CSMD1: variants seen among roughly 807,000 people sequenced by gnomAD.
CSMD1 encodes the protein CUB and Sushi multiple domains 1, also known as CUB and sushi domain-containing protein 1.
A neutral mutation model predicts 417.5 loss-of-function variants in CSMD1; 213 were observed. The ratio of observed to expected loss-of-function variants is 0.51; its 90% CI spans 0.46 to 0.57. The LOEUF (loss-of-function observed/expected upper bound fraction) is 0.57, where lower values mean the gene tolerates loss of function less well. CSMD1 is among the 20% of genes least tolerant of loss of function. The probability of loss-of-function intolerance (pLI) is 0.00; values close to 1 mark genes in which losing one functional copy is unlikely to be tolerated. For synonymous variants in CSMD1, 2,862 were observed against 1,736.8 expected (o/e 1.65, Z -16.11); for missense variants, 6,923 against 4,529.7 (o/e 1.53, Z -15.17).
At chr8:2,948,794 C>T (rs957654630) in intron 68 of CSMD1, among the ~76,000 whole-genome samples, 5 of 152,098 alleles carry the variant, frequency 3.3e-5, no homozygotes, top group African/African-American at 1.2e-4. Flanking sequence ...TCTACCCATA[C>T]ATCCATCAAA....
At chr8:3,710,934 G>C (rs1801473274) in intron 6 of CSMD1, among the ~76,000 whole-genome samples, 4 of 152,144 alleles carry the variant, frequency 2.6e-5, no homozygotes, top group Non-Finnish European at 5.9e-5. Context: ...GGTCCACCTG[G>C]AAGGAGGAGG....
chr8:4,048,469 T>C (rs930477717), intron 3 of CSMD1, among the ~76,000 whole-genome samples: 4 of 152,214 alleles, frequency 2.6e-5, no homozygotes, highest in African/African-American at 9.6e-5. Context: ...CAGTAGCTAC[T>C]ATTATCCCCA....
At chr8:4,480,214 A>G (rs1801022420) in intron 2 of CSMD1, among the ~76,000 whole-genome samples, 1 of 150,258 alleles carries the variant, frequency 6.7e-6, no homozygotes, top group Non-Finnish European at 1.5e-5. Context: ...AAAAAAACCG[A>G]GAAGGAAATT....
At chr8:4,296,504 G>A (rs1474674347) in intron 3 of CSMD1, among the ~76,000 whole-genome samples, 1 of 151,996 alleles carries the variant, frequency 6.6e-6, no homozygotes, top group Non-Finnish European at 1.5e-5. Flanking sequence ...TTTTCCCAAA[G>A]AGAGGGTTTA....
At chr8:4,699,446 G>A (rs1393327150) in intron 1 of CSMD1, among the ~76,000 whole-genome samples, 2 of 152,116 alleles carry the variant, frequency 1.3e-5, no homozygotes, top group Admixed American at 6.5e-5. Context: ...CAGGTTCAAT[G>A]TCATATTCTA....
intron 3 of CSMD1, among the ~76,000 whole-genome samples, chr8:4,044,845 C>T (rs1422073633): frequency 6.6e-6 from 1 of 152,222 alleles, no homozygotes; most frequent in South Asian, 2.1e-4. Flanking sequence ...CAGGCTTGTA[C>T]CATGCTGGGG....
At chr8:3,509,950 G>A (rs1004463036) in intron 10 of CSMD1, among the ~76,000 whole-genome samples, 2 of 152,150 alleles carry the variant, frequency 1.3e-5, no homozygotes, top group African/African-American at 2.4e-5. Context: ...CCTCTCCCAT[G>A]TGCAGTTTCT....
chr8:4,095,491 C>T lies in CSMD1; in HGVS notation c.416-63392G>A, dbSNP rs143048621. Among the ~76,000 whole-genome samples, 89 of 152,126 alleles carry T rather than the reference C, an allele frequency of 5.9e-4. No homozygotes were observed. In the Middle Eastern group the frequency reaches 0.014, roughly 23 times the overall value. On this transcript the variant is annotated intron_variant, in intron 3 of 69. Transcript: ENST00000635120. ...TTTTTGTGTTGTTTTTCCTATTTTC[C>T]GAAATTTGAAGTGGAAAGAATGTCC...
At chr8:4,819,816 G>T (rs1035445089) in intron 1 of CSMD1, among the ~76,000 whole-genome samples, 1 of 152,032 alleles carries the variant, frequency 6.6e-6, no homozygotes, top group African/African-American at 2.4e-5. Flanking sequence ...TGGGTGTGGA[G>T]GTTCCATTCC....
chr8:4,566,753 T>G (rs1015094015), intron 2 of CSMD1, among the ~76,000 whole-genome samples: 5 of 152,022 alleles, frequency 3.3e-5, no homozygotes, highest in Admixed American at 6.6e-5. Flanking sequence ...AATGTGCACT[T>G]TATATAACAA....
At chr8:3,581,025 C>T (rs1404060824) in intron 9 of CSMD1, among the ~76,000 whole-genome samples, 1 of 152,184 alleles carries the variant, frequency 6.6e-6, no homozygotes, top group African/African-American at 2.4e-5. Context: ...ACAGTTACAA[C>T]TGGCAATAAT....
At chr8:3,327,323 T>C (rs1020600976) in intron 23 of CSMD1, among the ~76,000 whole-genome samples, 1 of 152,030 alleles carries the variant, frequency 6.6e-6, no homozygotes, top group Non-Finnish European at 1.5e-5. Flanking sequence ...TTTGTAGAGA[T>C]GGGGTTTCAC....
At chr8:3,307,855 C>T in intron 24 of CSMD1, 34 bp from the exon 25 acceptor site, 5 of 1,600,532 alleles carry the variant, frequency 3.1e-6, no homozygotes, top group Non-Finnish European at 3.4e-6. Context: ...GAACGTTCAG[C>T]TTCAGGCATC....
chr8:4,830,651 G>T (rs760172186), intron 1 of CSMD1, among the ~76,000 whole-genome samples: 8 of 152,174 alleles, frequency 5.3e-5, no homozygotes, highest in Non-Finnish European at 8.8e-5. Flanking sequence ...TTGCTAAGAG[G>T]TCACAGAAAA....
chr8:4,361,603 T>A (rs1801769344), intron 3 of CSMD1, among the ~76,000 whole-genome samples: 1 of 152,184 alleles, frequency 6.6e-6, no homozygotes, highest in South Asian at 2.1e-4. Flanking sequence ...CCCTATTTTA[T>A]ACTCCCAACT....
intron 52 of CSMD1, among the ~76,000 whole-genome samples, chr8:3,008,130 C>T (rs1259216314): frequency 6.6e-6 from 1 of 152,132 alleles, no homozygotes; most frequent in African/African-American, 2.4e-5. Flanking sequence ...GTATTGAGTC[C>T]ATTTTCATAG....
chr8:4,639,729 A>G (rs1413251439), intron 1 of CSMD1, among the ~76,000 whole-genome samples: 1 of 152,220 alleles, frequency 6.6e-6, no homozygotes, highest in Non-Finnish European at 1.5e-5. Context: ...TTATACTTAA[A>G]AAGTATTTTA....
intron 29 of CSMD1, among the ~76,000 whole-genome samples, chr8:3,217,758 G>A (rs1238910578): frequency 6.6e-6 from 1 of 152,092 alleles, no homozygotes; most frequent in African/African-American, 2.4e-5. Context: ...TAAGTGTGCA[G>A]ATTCTGATGT....
At chr8:4,253,773 G>A (rs951954626) in intron 3 of CSMD1, among the ~76,000 whole-genome samples, 4 of 151,166 alleles carry the variant, frequency 2.6e-5, no homozygotes, top group East Asian at 1.9e-4. Context: ...AAAAACAGCT[G>A]ATGAAAATTT....
Sources: allele counts gnomAD v4.1 joint callset (sites outside exome capture counted in the v4.1 genomes callset), GRCh38; gene constraint gnomAD v4.1.1; transcripts MANE v1.5; gene names NCBI Gene and HGNC (gene_info 2026-07-23, HGNC 2026-07-21).